The following ALK variants were observed in gnomAD, a reference collection of about 807,000 sequenced individuals.
ALK encodes ALK tyrosine kinase receptor.
ALK carries 74 observed loss-of-function variants against 163.1 expected under a neutral mutation model. The observed-to-expected ratio is 0.45, with a 90% CI of 0.38 to 0.55. ALK has a LOEUF of 0.55. Ranked by LOEUF, ALK falls within the 20% of genes least tolerant of loss-of-function variation. ALK has a pLI of 0.00. For synonymous variants in ALK, 960 were observed against 843.2 expected (o/e 1.14, Z -2.40); for missense variants, 2,063 against 2,105.3 (o/e 0.98, Z 0.39).
chr2:29,203,951 C>T (rs1669250691), intron 26 of ALK, among the ~76,000 whole-genome samples: 1 of 151,832 alleles, frequency 6.6e-6, no homozygotes, highest in South Asian at 2.1e-4. Context: ...CTAAATTGGA[C>T]CTTTTGGTCT....
intron 1 of ALK, among the ~76,000 whole-genome samples, chr2:29,838,580 A>T (rs1313447935): frequency 6.6e-6 from 1 of 152,194 alleles, no homozygotes; most frequent in African/African-American, 2.4e-5. Context: ...ATAGAATACT[A>T]TAAATAAAAA....
intron 3 of ALK, among the ~76,000 whole-genome samples, chr2:29,564,273 A>G (rs1253151149): frequency 1.3e-5 from 2 of 152,136 alleles, no homozygotes; most frequent in Non-Finnish European, 2.9e-5. Context: ...CTCAAAGGCC[A>G]ATCTCAAGGG....
At chr2:29,244,903 A>G (rs1664617377) in intron 12 of ALK, among the ~76,000 whole-genome samples, 1 of 152,240 alleles carries the variant, frequency 6.6e-6, no homozygotes, top group South Asian at 2.1e-4. Context: ...CTTTCCAGAG[A>G]CTGTGAGGCT....
At chr2:29,751,194 T>C (rs930111568) in intron 1 of ALK, among the ~76,000 whole-genome samples, 5 of 152,156 alleles carry the variant, frequency 3.3e-5, no homozygotes, top group African/African-American at 1.2e-4. Context: ...GGACTGAAAG[T>C]TGCTTTGGGT....
intron 4 of ALK, among the ~76,000 whole-genome samples, chr2:29,508,747 A>AG (rs1278035852): frequency 1.3e-5 from 2 of 150,702 alleles, no homozygotes; most frequent in African/African-American, 4.9e-5. Flanking sequence ...AAAAAAAAAA[A>AG]AAAAAAAAAA....
Position 29,197,567 on chromosome 2 carries a change from G to T in ALK, c.4048C>A (p.Pro1350Thr), listed in dbSNP as rs1669054671. Residue 1350 changes from proline (P) to threonine (T), a missense_variant, in exon 27 of 29, where the codon CCA (proline) becomes ACA (threonine). Pro to Thr is a conservative substitution (Grantham distance 38, BLOSUM62 -1). This residue lies in a region of ALK where 403 missense variants were observed against 366.2 expected (regional missense o/e 1.10). Transcript: ENST00000389048. Reference protein sequence around the residue: ...EFVTSGGRMDPPKNCPGPVYR... With the variant: ...EFVTSGGRMDTPKNCPGPVYR... ...ACAGGCCCAGGGCAGTTCTTGGGTG[G>T]GTCCATCCGGCCTCCACTGGTGACA... The T allele has an allele frequency of 6.2e-7, 1 of 1,613,642 alleles. No homozygotes were observed. The highest frequency in any genetic ancestry group is 1.1e-5 in the South Asian group (1 of 91,044).
intron 4 of ALK, among the ~76,000 whole-genome samples, chr2:29,506,121 T>C (rs1174356739): frequency 1.3e-5 from 2 of 152,308 alleles, no homozygotes; most frequent in South Asian, 2.1e-4. Context: ...ACAGAGGCTC[T>C]ACGTAAGTCT....
chr2:29,701,849 A>T (rs975415958), intron 2 of ALK, among the ~76,000 whole-genome samples: 2 of 152,146 alleles, frequency 1.3e-5, no homozygotes, highest in African/African-American at 4.8e-5. Flanking sequence ...GTCACATCTG[A>T]TGTTACTCAG....
chr2:29,806,118 CT>C (rs1019418027), intron 1 of ALK, among the ~76,000 whole-genome samples: 15 of 152,174 alleles, frequency 9.9e-5, no homozygotes, highest in South Asian at 8.3e-4. Flanking sequence ...GCATTGTTAT[CT>C]TTTTTTTCAT....
intron 3 of ALK, among the ~76,000 whole-genome samples, chr2:29,566,452 G>C (rs940607698): frequency 1.3e-5 from 2 of 152,138 alleles, no homozygotes; most frequent in Admixed American, 1.3e-4. Context: ...TTGGGAGTAG[G>C]GTATCCCAAG....
intron 3 of ALK, among the ~76,000 whole-genome samples, chr2:29,562,410 A>G (rs1017347847): frequency 1.3e-5 from 2 of 152,160 alleles, no homozygotes; most frequent in Non-Finnish European, 2.9e-5. Context: ...TGTTCACTGC[A>G]TGGCCTCCTT....
chr2:29,412,150 G>C (rs181673196), intron 4 of ALK, among the ~76,000 whole-genome samples: 93 of 152,322 alleles, frequency 6.1e-4, no homozygotes, highest in Non-Finnish European at 1.2e-3. Flanking sequence ...TATTTGAAGG[G>C]AGAGACACCA....
chr2:29,502,083 T>C lies in ALK; in HGVS notation c.1154+29832A>G, dbSNP rs191315422. Among the ~76,000 whole-genome samples, 142 of 152,308 alleles carry C rather than the reference T, an allele frequency of 9.3e-4. 1 individual carries two copies. The highest frequency in any genetic ancestry group is 3.1e-3 in the African/African-American group (128 of 41,564). On this transcript the variant is annotated intron_variant, in intron 4 of 28. Coordinates refer to ENST00000389048, the MANE Select transcript of ALK (RefSeq NM_004304.5). Reference sequence around the variant, plus strand: ...TTATCTCTTGATGGACACTTACCATTTAACAAATTTTTAATGAGCTCCTCT... The same window carrying C: ...TTATCTCTTGATGGACACTTACCATCTAACAAATTTTTAATGAGCTCCTCT...
At chr2:29,269,914 G>A (rs550794322) in intron 11 of ALK, among the ~76,000 whole-genome samples, 6 of 152,344 alleles carry the variant, frequency 3.9e-5, no homozygotes, top group Admixed American at 2.6e-4. Flanking sequence ...TTACATGTGC[G>A]TGGGAACACT....
At chr2:29,777,312 C>G (rs1681203870) in intron 1 of ALK, among the ~76,000 whole-genome samples, 1 of 152,016 alleles carries the variant, frequency 6.6e-6, no homozygotes, top group African/African-American at 2.4e-5. Context: ...TCTTAGAGAC[C>G]AGGGTCTCTT....
At chr2:29,528,870 C>T (rs1410071131) in intron 4 of ALK, among the ~76,000 whole-genome samples, 2 of 152,190 alleles carry the variant, frequency 1.3e-5, no homozygotes, top group Non-Finnish European at 2.9e-5. Flanking sequence ...TTGGTAGCCC[C>T]TATTTCTCTG....
chr2:29,247,913 T>G (rs1387393272), intron 12 of ALK, among the ~76,000 whole-genome samples: 2 of 152,140 alleles, frequency 1.3e-5, no homozygotes, highest in Non-Finnish European at 2.9e-5. Context: ...TTTCAACAGA[T>G]GAACTGCACT....
chr2:29,780,722 CA>C (rs1320041536), intron 1 of ALK, among the ~76,000 whole-genome samples: 1 of 152,178 alleles, frequency 6.6e-6, no homozygotes, highest in Admixed American at 6.5e-5. Context: ...ACAGATGCCA[CA>C]GCAAAAAGCC....
chr2:29,704,539 A>G (rs1678839717), intron 2 of ALK, among the ~76,000 whole-genome samples: 1 of 152,238 alleles, frequency 6.6e-6, no homozygotes, highest in Non-Finnish European at 1.5e-5. Context: ...ACAAGTAGAA[A>G]AATTCTGAAA....
Sources: allele counts gnomAD v4.1 joint callset (sites outside exome capture counted in the v4.1 genomes callset), GRCh38; gene constraint gnomAD v4.1.1; regional missense constraint gnomAD v4.1.1; transcripts MANE v1.5; gene names NCBI Gene and HGNC (gene_info 2026-07-23, HGNC 2026-07-21).